HIPK2: variants seen among roughly 807,000 people sequenced by gnomAD.
HIPK2 encodes homeodomain interacting protein kinase 2, also known as homeodomain-interacting protein kinase 2.
HIPK2 carries 27 observed loss-of-function variants against 113.7 expected under a neutral mutation model. The ratio of observed to expected loss-of-function variants is 0.24; its 90% CI spans 0.17 to 0.33. HIPK2 has a LOEUF of 0.33. Ranked by LOEUF, HIPK2 falls within the 10% of genes least tolerant of loss-of-function variation. HIPK2 has a pLI of 1.00. For synonymous variants in HIPK2, 631 were observed against 642.2 expected (o/e 0.98, Z 0.26); for missense variants, 1,257 against 1,588.0 (o/e 0.79, Z 3.54).
intron 14 of HIPK2, among the ~76,000 whole-genome samples, chr7:139,574,533 A>C (rs922428397): frequency 1.3e-5 from 2 of 152,214 alleles, no homozygotes; most frequent in African/African-American, 4.8e-5. Flanking sequence ...CTCTGAACAC[A>C]AACACCCCAT....
intron 1 of HIPK2, among the ~76,000 whole-genome samples, chr7:139,719,125 C>A (rs1416746697): frequency 6.6e-6 from 1 of 152,012 alleles, no homozygotes; most frequent in Non-Finnish European, 1.5e-5. Flanking sequence ...GGTGGTTCCT[C>A]TTCCTCCTTT....
rs529976937 is a variant in HIPK2 at position 139,743,665 on chromosome 7, C to T, written c.20-26650G>A. On this transcript the variant is annotated intron_variant, in intron 1 of 14. Transcript: ENST00000406875. ...GAGCCCATCTCTAGACCCCACCTATCCCCCTGCTGTTCCAAGTTCCAGACT... is the reference window on the plus strand; with the variant it reads ...GAGCCCATCTCTAGACCCCACCTATTCCCCTGCTGTTCCAAGTTCCAGACT... 8.1e-4 allele frequency among the ~76,000 whole-genome samples: 123 copies of T among 151,822 alleles called. 1 individual carries two copies. The highest frequency in any genetic ancestry group is 2.7e-3 in the African/African-American group (114 of 41,510).
At chr7:139,604,683 CAAAAAA>C (rs11353760) in intron 9 of HIPK2, among the ~76,000 whole-genome samples, 2 of 48,770 alleles carry the variant, frequency 4.1e-5, no homozygotes, top group South Asian at 1.9e-3. Flanking sequence ...GACTCCGTCT[CAAAAAA>C]AAAAAAAAAA....
At chr7:139,750,716 A>G (rs1222902764) in intron 1 of HIPK2, among the ~76,000 whole-genome samples, 1 of 152,228 alleles carries the variant, frequency 6.6e-6, no homozygotes, top group Non-Finnish European at 1.5e-5. Context: ...CTGCTGTGAG[A>G]AGAGCTGTAA....
chr7:139,581,371 C>T (rs1281434548), intron 13 of HIPK2, among the ~76,000 whole-genome samples: 1 of 152,176 alleles, frequency 6.6e-6, no homozygotes, highest in African/African-American at 2.4e-5. Context: ...GGCTCAGGTC[C>T]CCGGGGTTCT....
intron 2 of HIPK2, among the ~76,000 whole-genome samples, chr7:139,702,419 G>A (rs1254361789): frequency 1.3e-5 from 2 of 152,212 alleles, no homozygotes; most frequent in African/African-American, 2.4e-5. Flanking sequence ...TGCATATCCC[G>A]GGTCGAGCTG....
At chr7:139,744,563 C>T (rs971779084) in intron 1 of HIPK2, among the ~76,000 whole-genome samples, 11 of 152,250 alleles carry the variant, frequency 7.2e-5, no homozygotes, top group African/African-American at 1.4e-4. Flanking sequence ...GTGAACTTTC[C>T]GGTATGTGAG....
At chr7:139,695,640 C>G (rs1387352865) in intron 2 of HIPK2, among the ~76,000 whole-genome samples, 1 of 152,172 alleles carries the variant, frequency 6.6e-6, no homozygotes, top group Non-Finnish European at 1.5e-5. Context: ...CATTAAAACC[C>G]ATATAAACTT....
intron 2 of HIPK2, among the ~76,000 whole-genome samples, chr7:139,658,614 A>G (rs1801756156): frequency 6.6e-6 from 1 of 152,242 alleles, no homozygotes; most frequent in Non-Finnish European, 1.5e-5. Flanking sequence ...GACAGAGAAG[A>G]GTCTTTGACA....
At chr7:139,717,053 C>A in intron 1 of HIPK2, 38 bp from the exon 2 acceptor site, 1 of 1,570,742 alleles carries the variant, frequency 6.4e-7, no homozygotes, top group South Asian at 1.2e-5. Flanking sequence ...GTATCGGAGT[C>A]ACCTTGGTAC....
At chr7:139,667,047 A>G (rs1004807508) in intron 2 of HIPK2, among the ~76,000 whole-genome samples, 1 of 150,652 alleles carries the variant, frequency 6.6e-6, no homozygotes, top group Non-Finnish European at 1.5e-5. Flanking sequence ...CCTGGGCAAC[A>G]GAGCGAGACT....
At chr7:139,729,739 C>T (rs2117023072) in intron 1 of HIPK2, among the ~76,000 whole-genome samples, 1 of 152,324 alleles carries the variant, frequency 6.6e-6, no homozygotes, top group South Asian at 2.1e-4. Context: ...GGTTTCAACC[C>T]AGAGGAATTC....
rs1798122697 is a variant in HIPK2, at chr7:139,567,287, T to C, written c.*5640A>G. On this transcript the variant is annotated 3_prime_UTR_variant, in exon 15 of 15. Transcript: ENST00000406875. ...GCTCTCTCCCATGGTGGCCTGGGATTAGTCAAGCCCACGTATTGGTATGGC... is the reference window on the plus strand; with the variant it reads ...GCTCTCTCCCATGGTGGCCTGGGATCAGTCAAGCCCACGTATTGGTATGGC... The C allele has an allele frequency of 6.6e-6, 1 of 152,148 alleles. No homozygotes were observed. The highest frequency in any genetic ancestry group is 1.5e-5 in the Non-Finnish European group (1 of 68,038). 9.4% of individuals were successfully genotyped at this position (152,148 alleles called of 1,614,324 possible).
At chr7:139,579,473 G>A (rs1210386852) in intron 13 of HIPK2, among the ~76,000 whole-genome samples, 1 of 152,140 alleles carries the variant, frequency 6.6e-6, no homozygotes, top group Admixed American at 6.5e-5. Context: ...AAACGACCAG[G>A]CCCTTGATTG....
chr7:139,747,360 G>A (rs928016307), intron 1 of HIPK2, among the ~76,000 whole-genome samples: 8 of 152,148 alleles, frequency 5.3e-5, no homozygotes, highest in East Asian at 1.9e-4. Context: ...GCATCTGGAC[G>A]TTCCCACCTT....
chr7:139,684,943 C>A (rs1465760760), intron 2 of HIPK2, among the ~76,000 whole-genome samples: 1 of 152,138 alleles, frequency 6.6e-6, no homozygotes, highest in Non-Finnish European at 1.5e-5. Flanking sequence ...AAAGCCTAAT[C>A]CAGAACAAAT....
At chr7:139,661,684 T>C (rs1040649513) in intron 2 of HIPK2, among the ~76,000 whole-genome samples, 1 of 152,178 alleles carries the variant, frequency 6.6e-6, no homozygotes, top group East Asian at 1.9e-4. Flanking sequence ...ACACTAATGA[T>C]AGCTGATTAG....
chr7:139,655,427 T>C (rs1801630493), intron 2 of HIPK2, among the ~76,000 whole-genome samples: 1 of 152,230 alleles, frequency 6.6e-6, no homozygotes, highest in Non-Finnish European at 1.5e-5. Context: ...GGCTGCTGCC[T>C]GCAGTTCTGC....
At chr7:139,595,632 C>T (rs913330931) in intron 12 of HIPK2, among the ~76,000 whole-genome samples, 2 of 152,122 alleles carry the variant, frequency 1.3e-5, no homozygotes, top group African/African-American at 4.8e-5. Context: ...GAGACATGTA[C>T]TAACCCCACC....
Sources: allele counts gnomAD v4.1 joint callset (sites outside exome capture counted in the v4.1 genomes callset), GRCh38; gene constraint gnomAD v4.1.1; transcripts MANE v1.5; gene names NCBI Gene and HGNC (gene_info 2026-07-23, HGNC 2026-07-21).